The following BANP variants were observed in gnomAD, a reference collection of about 807,000 sequenced individuals.
BANP encodes the protein protein BANP.
A neutral mutation model predicts 68.1 loss-of-function variants in BANP; 11 were observed. The observed-to-expected ratio is 0.16, with a 90% CI of 0.10 to 0.27. The LOEUF (loss-of-function observed/expected upper bound fraction) is 0.27, where lower values mean the gene tolerates loss of function less well. Among genes scored for constraint, BANP ranks in the 10% least tolerant of loss-of-function variants. The pLI is 1.00. For synonymous variants in BANP, 329 were observed against 303.2 expected (o/e 1.09, Z -0.88); for missense variants, 504 against 722.7 (o/e 0.70, Z 3.47).
At position 87,962,251 on chromosome 16, in the gene BANP, AAAAAAG is replaced by A. The variant is rs769687296; in HGVS notation, c.-69+10740_-69+10745del. On this transcript the variant is annotated intron_variant, in intron 1 of 13. Transcript: ENST00000682872. ...CGAGACTTGGTCTCAAAAAAAAAAA[AAAAAAG>A]AAAGCACATTTTTTTCCTTTATGTA... Among the ~76,000 whole-genome samples, 30 of 148,048 alleles carry A rather than the reference AAAAAAG, an allele frequency of 2.0e-4. 2 individuals are homozygous for A. The highest frequency in any genetic ancestry group is 4.6e-4 in the Admixed American group (7 of 15,070).
chr16:88,001,704 T>C (rs2069400160), intron 4 of BANP, among the ~76,000 whole-genome samples: 1 of 152,188 alleles, frequency 6.6e-6, no homozygotes, highest in Non-Finnish European at 1.5e-5. Flanking sequence ...ATAATCTAAA[T>C]ATCATGATGG....
In BANP at chr16:87,989,917, C is replaced by T. The variant is rs1262696931; in HGVS notation, c.362+5658C>T. ...GGGGATGCAGGCCCGCGTGGCTGCG[C>T]ACATCCAGGACACAGGACACAGGGC... On this transcript the variant is annotated intron_variant, in intron 4 of 13. Transcript: ENST00000682872. Among the ~76,000 whole-genome samples, 12 of 130,666 alleles carry T rather than the reference C, an allele frequency of 9.2e-5. 2 individuals are homozygous for T. The highest frequency in any genetic ancestry group is 1.3e-4 in the Non-Finnish European group (8 of 62,226). 85.7% of individuals were successfully genotyped at this position (130,666 alleles called of 152,430 possible).
chr16:88,054,410 C>G (rs1275245151), intron 11 of BANP, among the ~76,000 whole-genome samples: 5 of 151,930 alleles, frequency 3.3e-5, no homozygotes, highest in Non-Finnish European at 7.4e-5. Flanking sequence ...ACCAACACAA[C>G]CACCTTAACA....
intron 2 of BANP, among the ~76,000 whole-genome samples, chr16:87,977,234 G>T (rs1216230998): frequency 6.6e-6 from 1 of 152,144 alleles, no homozygotes; most frequent in Admixed American, 6.5e-5. Flanking sequence ...CAAACACGGT[G>T]AAGTCTCTAC....
intron 6 of BANP, among the ~76,000 whole-genome samples, chr16:88,009,646 G>A (rs1455456419): frequency 6.6e-6 from 1 of 152,182 alleles, no homozygotes; most frequent in African/African-American, 2.4e-5. Context: ...GGAATAAGAA[G>A]GACGGTAGCT....
intron 12 of BANP, among the ~76,000 whole-genome samples, chr16:88,066,054 C>T (rs577363898): frequency 6.6e-6 from 1 of 152,328 alleles, no homozygotes; most frequent in East Asian, 1.9e-4. Context: ...CAGCCTCTGT[C>T]GTCCCACTAC....
chr16:88,028,406 G>C (rs1263646679), intron 8 of BANP, among the ~76,000 whole-genome samples: 7 of 152,172 alleles, frequency 4.6e-5, no homozygotes, highest in Non-Finnish European at 2.9e-5. Flanking sequence ...AGATCACCTG[G>C]AGTTCTCCCG....
chr16:88,006,669 A>T (rs2152565274), intron 6 of BANP, among the ~76,000 whole-genome samples: 1 of 150,108 alleles, frequency 6.7e-6, no homozygotes, highest in South Asian at 2.1e-4. Flanking sequence ...GTGATACAGT[A>T]TAGGACAGGC....
intron 9 of BANP, among the ~76,000 whole-genome samples, chr16:88,034,390 A>T (rs2078854511): frequency 6.6e-6 from 1 of 152,250 alleles, no homozygotes; most frequent in South Asian, 2.1e-4. Flanking sequence ...GAGAATTTCA[A>T]ATAAGATAAG....
chr16:87,973,487 G>A (rs1045480687), intron 1 of BANP, among the ~76,000 whole-genome samples: 6 of 152,116 alleles, frequency 3.9e-5, no homozygotes, highest in East Asian at 1.9e-4. Flanking sequence ...GAGGCCGGGC[G>A]CGGTGGCTCA....
intron 5 of BANP, 127 bp from the exon 6 acceptor site, chr16:88,005,963 G>A: frequency 9.1e-7 from 1 of 1,093,968 alleles, no homozygotes; most frequent in Non-Finnish European, 1.4e-6. Flanking sequence ...AGAGAGAGCA[G>A]TATGGGAAGG....
intron 1 of BANP, among the ~76,000 whole-genome samples, chr16:87,971,820 T>C (rs886481162): frequency 2.6e-5 from 4 of 152,130 alleles, no homozygotes; most frequent in African/African-American, 9.7e-5. Context: ...CGAGACAGGG[T>C]CTCGTTCTGT....
chr16:88,067,113 G>T (rs1009278167), intron 12 of BANP, among the ~76,000 whole-genome samples: 1 of 152,214 alleles, frequency 6.6e-6, no homozygotes, highest in African/African-American at 2.4e-5. Context: ...GGGATCCTAG[G>T]GCCCAGGTGT....
chr16:88,039,146 G>A (rs1376277661), intron 11 of BANP, among the ~76,000 whole-genome samples: 6 of 152,182 alleles, frequency 3.9e-5, no homozygotes, highest in African/African-American at 1.2e-4. Flanking sequence ...GTTTATGTCA[G>A]AGTTTCTTAG....
intron 1 of BANP, among the ~76,000 whole-genome samples, chr16:87,962,673 T>C (rs986837302): frequency 2.6e-5 from 4 of 152,204 alleles, no homozygotes; most frequent in Non-Finnish European, 5.9e-5. Flanking sequence ...AAGCACACAT[T>C]TGGGGGGCCA....
In BANP at chr16:88,026,721, T is replaced by G. The variant is rs184601272; in HGVS notation, c.896-762T>G. ...AACTGTGTTTATGAGGGGGACAGAG[T>G]AACAAAAATACATACTTCAATTCTC... On this transcript the variant is annotated intron_variant, in intron 7 of 13. Coordinates refer to ENST00000682872, the MANE Select transcript of BANP (RefSeq NM_001386991.1). 7.3e-5 allele frequency among the ~76,000 whole-genome samples: 10 copies of G among 136,660 alleles called. No individual in the cohort carries two copies. The East Asian group carries it at 1.7e-3, about 24-fold the overall frequency. 89.7% of individuals were successfully genotyped at this position (136,660 alleles called of 152,430 possible). A position where few individuals can be genotyped will look rare whatever the true frequency, so the allele number is the denominator to read the frequency against.
At chr16:87,994,896 C>T (rs981980433) in intron 4 of BANP, among the ~76,000 whole-genome samples, 1 of 152,186 alleles carries the variant, frequency 6.6e-6, no homozygotes, top group Admixed American at 6.5e-5. Context: ...AGTAGAGGGT[C>T]CCCTGGACTT....
At chr16:88,009,975 T>C (rs1255434795) in intron 6 of BANP, among the ~76,000 whole-genome samples, 2 of 151,992 alleles carry the variant, frequency 1.3e-5, no homozygotes, top group Admixed American at 6.5e-5. Flanking sequence ...CTCCTGACTG[T>C]TGAAAGCAGG....
upstream of BANP, chr16:87,949,758 C>T (rs2056627206): frequency 6.6e-6 from 1 of 152,218 alleles, no homozygotes; most frequent in Admixed American, 6.5e-5. Flanking sequence ...GAGACTTTAA[C>T]TCGGTAAGGT....
Sources: gnomAD v4.1 joint callset for allele counts (sites outside exome capture counted in the v4.1 genomes callset) on GRCh38, gnomAD v4.1.1 for gene constraint, MANE v1.5 for transcripts, NCBI Gene and HGNC (gene_info 2026-07-23, HGNC 2026-07-21) for gene names.